The following STON1 variants were observed in gnomAD, a reference collection of about 807,000 sequenced individuals.
STON1 encodes stonin-1.
A neutral mutation model predicts 60.9 loss-of-function variants in STON1; 79 were observed. That is an observed-to-expected ratio of 1.30 (90% confidence interval 1.08 to 1.56). The LOEUF is 1.56. STON1 is among the 40% of genes most tolerant of loss of function. The pLI is 0.00. For synonymous variants in STON1, 363 were observed against 306.9 expected (o/e 1.18, Z -1.91); for missense variants, 1,166 against 858.9 (o/e 1.36, Z -4.47).
At chr2:48,543,845 A>C (rs907173181) in intron 1 of STON1, among the ~76,000 whole-genome samples, 5 of 152,124 alleles carry the variant, frequency 3.3e-5, no homozygotes, top group Admixed American at 6.5e-5. Flanking sequence ...ATAACATTTT[A>C]AATGAAAAGA....
At chr2:48,570,843 G>GTT (rs70946811) in intron 1 of STON1, among the ~76,000 whole-genome samples, 834 of 77,150 alleles carry the variant, frequency 0.011, 99 homozygotes, top group African/African-American at 0.026. Context: ...CTGTCTCTGA[G>GTT]TTTTTTTTTT....
intron 1 of STON1, among the ~76,000 whole-genome samples, chr2:48,575,394 C>A (rs1673423870): frequency 6.6e-6 from 1 of 152,090 alleles, no homozygotes. Context: ...TGGCTCACAC[C>A]TGTAATCCCA....
intron 1 of STON1, among the ~76,000 whole-genome samples, chr2:48,562,416 G>A (rs1235078291): frequency 2.0e-5 from 3 of 152,158 alleles, no homozygotes. Context: ...TTGTAGCAAT[G>A]GCGAATGCTG....
At position 48,536,074 on chromosome 2, in the gene STON1, G is replaced by A. The variant is rs555310254; in HGVS notation, c.-48+5858G>A. Among the ~76,000 whole-genome samples the A allele has an allele frequency of 2.2e-4, 33 of 152,034 alleles. 1 individual carries two copies. In the South Asian group the frequency reaches 2.9e-3, roughly 13 times the overall value. On this transcript the variant is annotated intron_variant, in intron 1 of 3. Coordinates refer to ENST00000404752, the MANE Select transcript of STON1 (RefSeq NM_006873.4). ...TGCACTCCAGCCTGGGTGACAGAGC[G>A]ACACTCTGTCTCAAAAAATAAATCA...
At chr2:48,557,073 GA>G (rs1313327287) in intron 1 of STON1, among the ~76,000 whole-genome samples, 6 of 96,236 alleles carry the variant, frequency 6.2e-5, no homozygotes, top group African/African-American at 1.5e-4. Context: ...GCGGGGGGCT[GA>G]CCCCCCCCCA....
Position 48,591,853 on chromosome 2 carries a change from C to T in STON1, c.2131C>T (p.Gln711Ter), listed in dbSNP as rs747892535. Reference protein sequence around the residue: ...HVQQRACYNIQVEIEKKWIKI... With the variant: ...HVQQRACYNI ...TCAGCAGCGAGCTTGCTACAACATC[C>T]AGGTACATCCCAAAACTTCTAGAAC... is the stretch of plus-strand genomic sequence containing the variant. The change falls in exon 3 of 4, where the codon CAG (glutamine) becomes TAG (stop). Residue 711 changes from glutamine (Q) to a stop codon, truncating the protein, a stop_gained and splice_region_variant. Transcript: ENST00000404752. LOFTEE classifies it high-confidence loss of function. The T allele has an allele frequency of 6.2e-7, 1 of 1,613,742 alleles. No individual in the cohort carries two copies. Among genetic ancestry groups the T allele is most frequent in the South Asian group, 1.1e-5 (1 of 90,986 alleles).
intron 1 of STON1, among the ~76,000 whole-genome samples, chr2:48,564,484 TTCTTCTTCTTCTTCTTCTTCTTC>T (rs1672793181): frequency 1.7e-4 from 4 of 23,292 alleles, no homozygotes; most frequent in Non-Finnish European, 3.5e-4. Flanking sequence ...TTCTTCTTTC[TTCTTCTTCTTCTTCTTCTTCTTC>T]TTCTTCTTCT....
At chr2:48,564,733 C>CTTTTT (rs776637856) in intron 1 of STON1, among the ~76,000 whole-genome samples, 1 of 100,910 alleles carries the variant, frequency 9.9e-6, no homozygotes, top group Non-Finnish European at 2.0e-5. Context: ...TTCTTTCTTT[C>CTTTTT]TTTTTTTTTT....
chr2:48,557,379 C>T lies in STON1; in HGVS notation c.-47-23208C>T, dbSNP rs1440205149. On this transcript the variant is annotated intron_variant, in intron 1 of 3. Coordinates refer to ENST00000404752, the MANE Select transcript of STON1 (RefSeq NM_006873.4). The stretch of plus-strand genomic sequence containing the variant: ...CGCTCCCCACATCTCAGACGATGGG[C>T]GGCCGAGCAGAGAGGCTCCTCACTT... 1.2e-4 allele frequency among the ~76,000 whole-genome samples: 13 copies of T among 105,704 alleles called. 1 individual carries two copies. The highest frequency in any genetic ancestry group is 4.0e-4 in the African/African-American group (12 of 30,234). 69.3% of individuals were successfully genotyped at this position (105,704 alleles called of 152,430 possible).
chr2:48,581,053 C>T lies in STON1; in HGVS notation c.420C>T (p.His140=). The T allele has an allele frequency of 1.3e-6, 2 of 1,592,412 alleles. No homozygotes were observed. ...CLSHALLPSD[H]SCTHPTPKVG... is the part of the protein sequence containing the mutation. ...CCCATGCCTTGTTACCCAGTGACCACTCATGTACACATCCAACTCCCAAAG... is the reference window on the plus strand; with the variant it reads ...CCCATGCCTTGTTACCCAGTGACCATTCATGTACACATCCAACTCCCAAAG... The change falls in exon 2 of 4, where the codon CAC becomes CAT. Residue 140 remains histidine, a synonymous_variant. Coordinates refer to ENST00000404752, the MANE Select transcript of STON1 (RefSeq NM_006873.4).
At chr2:48,564,724 T>G (rs1217321488) in intron 1 of STON1, among the ~76,000 whole-genome samples, 10 of 141,000 alleles carry the variant, frequency 7.1e-5, no homozygotes, top group Non-Finnish European at 1.2e-4. Flanking sequence ...CTTCTTTCTT[T>G]CTTTCTTTCT....
chr2:48,548,930 G>A (rs542053264), intron 1 of STON1, among the ~76,000 whole-genome samples: 6 of 152,224 alleles, frequency 3.9e-5, no homozygotes, highest in Admixed American at 2.6e-4. Flanking sequence ...GAATGTGGGC[G>A]GCTTCTAAGC....
rs1203189395 is a variant in STON1, at chr2:48,597,476, A to C, written c.*2174A>C. Reference sequence around the variant, plus strand: ...ATTAGGATGAACTTAATGACTATTTACACCTCAAAATATATTCAGCAAAGG... The same window carrying C: ...ATTAGGATGAACTTAATGACTATTTCCACCTCAAAATATATTCAGCAAAGG... On this transcript the variant is annotated 3_prime_UTR_variant, in exon 4 of 4. Coordinates refer to ENST00000404752, the MANE Select transcript of STON1 (RefSeq NM_006873.4). 1 of 152,216 alleles carries C rather than the reference A, an allele frequency of 6.6e-6. No individual in the cohort carries two copies. The highest frequency in any genetic ancestry group is 1.5e-5 in the Non-Finnish European group (1 of 68,038). 9.4% of individuals were successfully genotyped at this position (152,216 alleles called of 1,614,324 possible). A position where few individuals can be genotyped will look rare whatever the true frequency, so the allele number is the denominator to read the frequency against.
At chr2:48,534,137 G>C (rs866529198) in intron 1 of STON1, among the ~76,000 whole-genome samples, 21 of 152,050 alleles carry the variant, frequency 1.4e-4, no homozygotes, top group Admixed American at 1.4e-3. Context: ...AAAATACATC[G>C]AGAAAATACT....
At chr2:48,564,496 T>TTCTTCTTCTTCC (rs1672803170) in intron 1 of STON1, among the ~76,000 whole-genome samples, 1 of 20,810 alleles carries the variant, frequency 4.8e-5, no homozygotes, top group Non-Finnish European at 8.9e-5. Context: ...CTTCTTCTTC[T>TTCTTCTTCTTCC]TCTTCTTCTT....
Position 48,596,490 on chromosome 2 carries a change from ATTGTT to A in STON1, c.*1191_*1195del, listed in dbSNP as rs1205116011. On this transcript the variant is annotated 3_prime_UTR_variant, in exon 4 of 4. Transcript: ENST00000404752. The stretch of plus-strand genomic sequence containing the variant: ...AATTTATGAAATCTATATTCCAGGT[ATTGTT>A]TTTAGTCTGAAAAACAAACTCCCCC... The A allele has an allele frequency of 6.6e-6, 1 of 152,204 alleles. No individual in the cohort carries two copies. Among genetic ancestry groups the A allele is most frequent in the East Asian group, 1.9e-4 (1 of 5,206 alleles). The allele number at this position is 152,204 out of a possible 1,614,324, so 9.4% of individuals were successfully genotyped here.
intron 1 of STON1, among the ~76,000 whole-genome samples, chr2:48,541,261 A>G (rs1384672852): frequency 1.3e-5 from 2 of 151,910 alleles, no homozygotes; most frequent in African/African-American, 4.8e-5. Flanking sequence ...GAGGCAGGAC[A>G]GTCACTTGAA....
intron 2 of STON1, among the ~76,000 whole-genome samples, chr2:48,590,437 A>G (rs1414681771): frequency 3.3e-5 from 5 of 152,172 alleles, no homozygotes; most frequent in African/African-American, 1.2e-4. Flanking sequence ...CTATATTCTG[A>G]TGGAAATGCT....
At chr2:48,550,533 AGT>A in intron 1 of STON1, among the ~76,000 whole-genome samples, 1 of 149,078 alleles carries the variant, frequency 6.7e-6, no homozygotes, top group East Asian at 2.0e-4. Flanking sequence ...ACATATTTAT[AGT>A]GTTTCTTATG....
Sources: allele counts gnomAD v4.1 joint callset (sites outside exome capture counted in the v4.1 genomes callset), GRCh38; gene constraint gnomAD v4.1.1; transcripts MANE v1.5; gene names NCBI Gene and HGNC (gene_info 2026-07-23, HGNC 2026-07-21).